The following SPECC1 variants were observed in gnomAD, a reference collection of about 807,000 sequenced individuals.
The protein encoded by SPECC1 is sperm antigen with calponin homology and coiled-coil domains 1.
Under a neutral mutation model 104.1 loss-of-function variants are expected in SPECC1, and 62 were observed. The ratio of observed to expected loss-of-function variants is 0.60; its 90% confidence interval spans 0.49 to 0.74. SPECC1 has a LOEUF of 0.74. SPECC1 is among the 30% of genes least tolerant of loss of function. The pLI, the probability that SPECC1 is intolerant of heterozygous loss-of-function variation, is 0.00. For synonymous variants in SPECC1, 513 were observed against 501.6 expected (o/e 1.02, Z -0.30); for missense variants, 1,306 against 1,310.5 (o/e 1.00, Z 0.05).
At chr17:20,054,640 T>G (rs956518113) in intron 1 of SPECC1, among the ~76,000 whole-genome samples, 2 of 152,174 alleles carry the variant, frequency 1.3e-5, no homozygotes, top group African/African-American at 4.8e-5. Flanking sequence ...TGTTCTTGCG[T>G]ATCTGATCTT....
At chr17:20,188,024 G>A (rs1597918362) in intron 3 of SPECC1, among the ~76,000 whole-genome samples, 1 of 152,198 alleles carries the variant, frequency 6.6e-6, no homozygotes, top group Non-Finnish European at 1.5e-5. Context: ...CTCATATAAG[G>A]AAGGATTGTC....
At chr17:20,275,832 C>T (rs2040558588) in intron 12 of SPECC1, among the ~76,000 whole-genome samples, 2 of 152,158 alleles carry the variant, frequency 1.3e-5, no homozygotes, top group South Asian at 4.1e-4. Flanking sequence ...GCCACTTGAT[C>T]TGCTGGATTC....
At chr17:20,105,271 T>G (rs1186927781) in intron 2 of SPECC1, among the ~76,000 whole-genome samples, 4 of 152,190 alleles carry the variant, frequency 2.6e-5, no homozygotes, top group Non-Finnish European at 5.9e-5. Context: ...TAAAAAAGAT[T>G]ATTTGTAGAA....
Position 20,123,858 on chromosome 17 carries a change from A to G in SPECC1, c.283+13296A>G, listed in dbSNP as rs191385655. Among the ~76,000 whole-genome samples the G allele has an allele frequency of 4.1e-3, 628 of 152,354 alleles. 7 individuals are homozygous for G. The South Asian group carries it at 0.044, about 11-fold the overall frequency. On this transcript the variant is annotated intron_variant, in intron 3 of 14. Coordinates refer to ENST00000395527, the MANE Select transcript of SPECC1 (RefSeq NM_001243439.2). Reference sequence around the variant, plus strand: ...TTAGTCTTTACTACAGCCCTATGAAATAGTATCCTTATTATCATTCCCATT... The same window carrying G: ...TTAGTCTTTACTACAGCCCTATGAAGTAGTATCCTTATTATCATTCCCATT...
intron 3 of SPECC1, among the ~76,000 whole-genome samples, chr17:20,152,509 G>A (rs912014266): frequency 5.3e-5 from 8 of 152,108 alleles, no homozygotes; most frequent in South Asian, 2.1e-4. Flanking sequence ...TTTATTTCTC[G>A]GAGTGTTGGA....
chr17:20,296,737 A>G (rs1194240457), intron 12 of SPECC1, among the ~76,000 whole-genome samples: 1 of 152,164 alleles, frequency 6.6e-6, no homozygotes, highest in African/African-American at 2.4e-5. Context: ...GGTCCTTCAC[A>G]TCCCTTGTAA....
chr17:20,302,769 A>G (rs1567620340), intron 13 of SPECC1, among the ~76,000 whole-genome samples: 1 of 148,486 alleles, frequency 6.7e-6, no homozygotes, highest in African/African-American at 2.5e-5. Context: ...GTGAAAACAC[A>G]GCGGTGCCAG....
intron 3 of SPECC1, among the ~76,000 whole-genome samples, chr17:20,181,699 A>G (rs1019589181): frequency 8.5e-5 from 13 of 152,320 alleles, no homozygotes; most frequent in African/African-American, 3.1e-4. Context: ...TAAGATAAAT[A>G]TAAAAACAAA....
At chr17:20,064,975 T>C (rs2152474928) in intron 1 of SPECC1, among the ~76,000 whole-genome samples, 1 of 152,308 alleles carries the variant, frequency 6.6e-6, no homozygotes, top group East Asian at 1.9e-4. Flanking sequence ...TTAGTAGAAA[T>C]GAGCAGTTAT....
chr17:20,288,405 A>G (rs1349854599), intron 12 of SPECC1, among the ~76,000 whole-genome samples: 1 of 152,244 alleles, frequency 6.6e-6, no homozygotes, highest in Non-Finnish European at 1.5e-5. Context: ...CAACATCCCC[A>G]TTAAAAAGTG....
chr17:20,203,757 A>G (rs1721301681), intron 3 of SPECC1, among the ~76,000 whole-genome samples: 1 of 152,226 alleles, frequency 6.6e-6, no homozygotes, highest in African/African-American at 2.4e-5. Context: ...ATCAGTGCAG[A>G]TGTACTAAAT....
At chr17:20,029,988 A>C (rs1027125876) in intron 1 of SPECC1, among the ~76,000 whole-genome samples, 3 of 152,144 alleles carry the variant, frequency 2.0e-5, no homozygotes, top group African/African-American at 4.8e-5. Flanking sequence ...GGTTACTGAG[A>C]ACCACTGGAA....
At chr17:20,108,557 A>G (rs1423493649) in intron 2 of SPECC1, among the ~76,000 whole-genome samples, 2 of 152,160 alleles carry the variant, frequency 1.3e-5, no homozygotes, top group Non-Finnish European at 2.9e-5. Flanking sequence ...CAGCTTTTAA[A>G]CTTAATACAA....
chr17:20,144,082 G>A (rs954341150), intron 3 of SPECC1, among the ~76,000 whole-genome samples: 3 of 152,024 alleles, frequency 2.0e-5, no homozygotes, highest in African/African-American at 4.8e-5. Flanking sequence ...ACACTCCTGG[G>A]ACTCCCAGAA....
chr17:20,026,234 G>C (rs902412092), intron 1 of SPECC1, among the ~76,000 whole-genome samples: 1 of 151,776 alleles, frequency 6.6e-6, no homozygotes, highest in Non-Finnish European at 1.5e-5. Flanking sequence ...ATGAGGTACA[G>C]AGTGATAATT....
chr17:20,266,563 G>A (rs1598110083), intron 12 of SPECC1, among the ~76,000 whole-genome samples: 5 of 152,132 alleles, frequency 3.3e-5, no homozygotes, highest in Admixed American at 6.5e-5. Flanking sequence ...CAGCCTGGGC[G>A]ACAGAGCAAG....
chr17:20,031,559 A>G (rs2044813823), intron 1 of SPECC1, among the ~76,000 whole-genome samples: 1 of 152,124 alleles, frequency 6.6e-6, no homozygotes, highest in South Asian at 2.1e-4. Context: ...CAGTAGTATA[A>G]AGTATATTTG....
intron 4 of SPECC1, among the ~76,000 whole-genome samples, chr17:20,216,548 C>A (rs1014797968): frequency 6.6e-6 from 1 of 151,872 alleles, no homozygotes; most frequent in Non-Finnish European, 1.5e-5. Flanking sequence ...GGAGGTGACC[C>A]TTGATAGGAT....
intron 1 of SPECC1, among the ~76,000 whole-genome samples, chr17:20,050,562 A>G (rs1385970518): frequency 6.6e-6 from 1 of 152,222 alleles, no homozygotes; most frequent in Non-Finnish European, 1.5e-5. Context: ...GTTGTAGATC[A>G]TTCTTCTGAG....
Sources: allele counts gnomAD v4.1 joint callset (sites outside exome capture counted in the v4.1 genomes callset), GRCh38; gene constraint gnomAD v4.1.1; transcripts MANE v1.5; gene names NCBI Gene and HGNC (gene_info 2026-07-23, HGNC 2026-07-21).